Variants in SLC9A9 observed in about 807,000 individuals in gnomAD.
SLC9A9 encodes the protein sodium/hydrogen exchanger 9.
SLC9A9 carries 62 observed loss-of-function variants against 77.8 expected under a neutral mutation model. The ratio of observed to expected loss-of-function variants is 0.80; its 90% CI spans 0.65 to 0.98. The LOEUF (loss-of-function observed/expected upper bound fraction) is 0.98. Among genes scored for constraint, SLC9A9 ranks in the 50% least tolerant of loss-of-function variants. SLC9A9 has a pLI of 0.00. For synonymous variants in SLC9A9, 320 were observed against 283.5 expected (o/e 1.13, Z -1.29); for missense variants, 775 against 774.9 (o/e 1.00, Z 0.00).
At chr3:143,370,796 C>G (rs74577687) in intron 13 of SLC9A9, among the ~76,000 whole-genome samples, 1,952 of 152,136 alleles carry the variant, frequency 0.013, 10 homozygotes, top group South Asian at 0.024. Flanking sequence ...ATCGCTTTCA[C>G]AATGGCTAGC....
intron 12 of SLC9A9, among the ~76,000 whole-genome samples, chr3:143,404,607 C>G (rs1025024212): frequency 2.6e-5 from 4 of 152,106 alleles, no homozygotes; most frequent in African/African-American, 4.8e-5. Flanking sequence ...TTTTTTCCCC[C>G]TCTTTATTCC....
chr3:143,653,485 A>G (rs935484591), intron 5 of SLC9A9, among the ~76,000 whole-genome samples: 1 of 152,062 alleles, frequency 6.6e-6, no homozygotes, highest in South Asian at 2.1e-4. Flanking sequence ...TTCCTTTCCT[A>G]TTTCATGGGT....
At chr3:143,571,823 T>C (rs78825848) in intron 8 of SLC9A9, among the ~76,000 whole-genome samples, 14,816 of 152,246 alleles carry the variant, frequency 0.097, 885 homozygotes, top group Middle Eastern at 0.19. Context: ...GTGCATGGCT[T>C]ATGTTATGAG....
intron 4 of SLC9A9, among the ~76,000 whole-genome samples, chr3:143,712,033 C>T (rs1560043878): frequency 6.6e-6 from 1 of 152,144 alleles, no homozygotes; most frequent in Non-Finnish European, 1.5e-5. Flanking sequence ...CCCACTAATC[C>T]CTATCACCTC....
chr3:143,549,203 C>T (rs1024363420), intron 9 of SLC9A9, among the ~76,000 whole-genome samples: 14 of 152,294 alleles, frequency 9.2e-5, no homozygotes, highest in African/African-American at 3.4e-4. Context: ...AATTCGTTTC[C>T]CATGAGAATT....
intron 2 of SLC9A9, among the ~76,000 whole-genome samples, chr3:143,828,582 C>CAGAG (rs886605919): frequency 1.3e-5 from 2 of 149,790 alleles, no homozygotes; most frequent in African/African-American, 4.9e-5. Flanking sequence ...CACACACACA[C>CAGAG]AGAGAGAGAG....
chr3:143,265,957 T>C lies in SLC9A9; in HGVS notation c.*745A>G. On this transcript the variant is annotated 3_prime_UTR_variant, in exon 16 of 16. Transcript: ENST00000316549. The stretch of plus-strand genomic sequence containing the variant: ...AGGCAAGGACGGGAAGGCTTGTTCT[T>C]CAGGCACAACGTGGTATGGGGAGAA... The C allele has an allele frequency of 1.5e-6, 1 of 664,948 alleles. No homozygotes were observed. The highest frequency in any genetic ancestry group is 1.6e-5 in the South Asian group (1 of 60,856). 41.2% of individuals were successfully genotyped at this position (664,948 alleles called of 1,614,324 possible). A position where few individuals can be genotyped will look rare whatever the true frequency, so the allele number is the denominator to read the frequency against.
intron 14 of SLC9A9, among the ~76,000 whole-genome samples, chr3:143,284,026 T>C (rs1165577465): frequency 1.1e-4 from 16 of 151,798 alleles, no homozygotes; most frequent in Admixed American, 1.1e-3. Context: ...CTTTAATAAA[T>C]AGTTCCAGGA....
At chr3:143,323,389 TAAG>T (rs926554529) in intron 14 of SLC9A9, among the ~76,000 whole-genome samples, 5 of 152,174 alleles carry the variant, frequency 3.3e-5, no homozygotes, top group African/African-American at 9.7e-5. Flanking sequence ...AATTCAGCCT[TAAG>T]AAGAATAAAA....
intron 14 of SLC9A9, among the ~76,000 whole-genome samples, chr3:143,304,410 C>T (rs946213982): frequency 6.6e-6 from 1 of 152,176 alleles, no homozygotes; most frequent in Admixed American, 6.5e-5. Flanking sequence ...GGGATGTATT[C>T]CCCTGTTAAG....
intron 13 of SLC9A9, among the ~76,000 whole-genome samples, chr3:143,373,605 TAAA>T (rs67376157): frequency 1.7e-5 from 1 of 58,624 alleles, no homozygotes; most frequent in African/African-American, 7.3e-5. Flanking sequence ...ACTGAAATAG[TAAA>T]AAAAAAAAAA....
chr3:143,762,024 G>C (rs2007142856), intron 4 of SLC9A9, among the ~76,000 whole-genome samples: 4 of 152,086 alleles, frequency 2.6e-5, no homozygotes, highest in African/African-American at 9.7e-5. Context: ...AAGAAGGATG[G>C]GTTCATGTCC....
chr3:143,613,781 A>G (rs2038059639), intron 6 of SLC9A9, among the ~76,000 whole-genome samples: 1 of 151,194 alleles, frequency 6.6e-6, no homozygotes, highest in South Asian at 2.1e-4. Flanking sequence ...TCCTCATACC[A>G]CATTGCAATA....
intron 13 of SLC9A9, among the ~76,000 whole-genome samples, chr3:143,369,434 G>C (rs182494780): frequency 6.6e-6 from 1 of 152,238 alleles, no homozygotes; most frequent in African/African-American, 2.4e-5. Flanking sequence ...CTGTAGCACT[G>C]TGGGGTGAAT....
chr3:143,375,041 A>G (rs937507193), intron 13 of SLC9A9, among the ~76,000 whole-genome samples: 4 of 152,314 alleles, frequency 2.6e-5, no homozygotes, highest in African/African-American at 9.6e-5. Context: ...GTAGACAAAA[A>G]AACAAGTTGA....
chr3:143,598,599 C>T (rs894015), intron 6 of SLC9A9, among the ~76,000 whole-genome samples: 152,108 of 152,372 alleles, frequency 1, 75,922 homozygotes, highest in Middle Eastern at 1. Context: ...CGTCTTCCTC[C>T]AAATCCGCAC....
rs188205757 is a variant in SLC9A9 at position 143,318,198 on chromosome 3, C to A, written c.1604+45286G>T. 1.1e-4 allele frequency among the ~76,000 whole-genome samples: 17 copies of A among 152,252 alleles called. No homozygotes were observed. The East Asian group carries it at 3.1e-3, about 28-fold the overall frequency. ...AAAACTACACCTCAGGTTGTTTCAC[C>A]ATTGACTAATAAATGTTCTTAAATA... is the stretch of plus-strand genomic sequence containing the variant. On this transcript the variant is annotated intron_variant, in intron 14 of 15. Transcript: ENST00000316549.
At chr3:143,602,375 G>A (rs1472613976) in intron 6 of SLC9A9, among the ~76,000 whole-genome samples, 2 of 152,212 alleles carry the variant, frequency 1.3e-5, no homozygotes, top group East Asian at 1.9e-4. Context: ...TGAGATCTGG[G>A]TGAACGTCCA....
chr3:143,709,543 G>A (rs1934085702), intron 4 of SLC9A9, among the ~76,000 whole-genome samples: 1 of 152,238 alleles, frequency 6.6e-6, no homozygotes, highest in African/African-American at 2.4e-5. Context: ...AGCCATTAGT[G>A]TACCCTGATG....
Sources: gnomAD v4.1 joint callset for allele counts (sites outside exome capture counted in the v4.1 genomes callset) on GRCh38, gnomAD v4.1.1 for gene constraint, MANE v1.5 for transcripts, NCBI Gene and HGNC (gene_info 2026-07-23, HGNC 2026-07-21) for gene names.